The following UBE2W variants were observed in gnomAD, a reference collection of about 807,000 sequenced individuals.
UBE2W encodes the protein ubiquitin-conjugating enzyme E2 W.
In UBE2W, 18 loss-of-function variants were observed where a neutral mutation model predicts 27.2. The observed-to-expected ratio is 0.66, with a 90% CI of 0.46 to 0.98. The LOEUF is 0.98. Among genes scored for constraint, UBE2W ranks in the 50% least tolerant of loss-of-function variants. The pLI is 0.00. For synonymous variants in UBE2W, 53 were observed against 57.2 expected, an observed-to-expected ratio of 0.93 and a Z score of 0.33; for missense variants, 90 against 180.2, an observed-to-expected ratio of 0.50 and a Z score of 2.87.
chr8:73,837,506 C>G (rs563674765), intron 1 of UBE2W, among the ~76,000 whole-genome samples: 1 of 151,316 alleles, frequency 6.6e-6, no homozygotes, highest in African/African-American at 2.4e-5. Context: ...GAGTGAGACT[C>G]TTGTCTTAAA....
At chr8:73,820,193 G>T (rs1809549874) in intron 3 of UBE2W, among the ~76,000 whole-genome samples, 1 of 152,128 alleles carries the variant, frequency 6.6e-6, no homozygotes, top group Non-Finnish European at 1.5e-5. Context: ...CTAGAGGACT[G>T]GTTCTAGCCA....
intron 1 of UBE2W, among the ~76,000 whole-genome samples, chr8:73,832,136 A>ATATATATATATATATATATATAT (rs1563601304): frequency 3.4e-5 from 5 of 145,344 alleles, no homozygotes; most frequent in African/African-American, 1.3e-4. Flanking sequence ...AAAATAAATA[A>ATATATATATATATATATATATAT]ATATATATAT....
At chr8:73,830,066 CACCAA>C (rs1183957388) in intron 2 of UBE2W, among the ~76,000 whole-genome samples, 1 of 151,594 alleles carries the variant, frequency 6.6e-6, no homozygotes, top group Admixed American at 6.6e-5. Context: ...TAAAACCTCA[CACCAA>C]ACAGTTCTTT....
chr8:73,867,702 GCT>G (rs1811838754), intron 1 of UBE2W, among the ~76,000 whole-genome samples: 1 of 140,480 alleles, frequency 7.1e-6, no homozygotes, highest in South Asian at 2.5e-4. Flanking sequence ...ACGGAGTGAG[GCT>G]CTGTCTCAGA....
Position 73,789,027 on chromosome 8 carries a change from A to G in UBE2W, c.*5075T>C, listed in dbSNP as rs1808079908. 1 of 984,100 alleles carries G rather than the reference A, an allele frequency of 1.0e-6. No homozygotes were observed. 61.0% of individuals were successfully genotyped at this position (984,100 alleles called of 1,614,324 possible). A position where few individuals can be genotyped will look rare whatever the true frequency, so the allele number is the denominator to read the frequency against. ...GACTCATCACAAAATACAAGTCACA[A>G]TATTAACATATGAAAATTAAAATTA... On this transcript the variant is annotated 3_prime_UTR_variant, in exon 6 of 6. Transcript: ENST00000602593.
In UBE2W at chr8:73,838,940, C is replaced by G. The variant is rs573371248; in HGVS notation, c.16-8468G>C. 2.6e-5 allele frequency among the ~76,000 whole-genome samples: 4 copies of G among 152,246 alleles called. No homozygotes were observed. The South Asian group carries it at 8.3e-4, about 32-fold the overall frequency. On this transcript the variant is annotated intron_variant, in intron 1 of 5. Coordinates refer to ENST00000602593, the MANE Select transcript of UBE2W (RefSeq NM_018299.6). The stretch of plus-strand genomic sequence containing the variant: ...TTTACATGAAGTGAACACCAAGTGG[C>G]CAATGGGAAACCTCTAGGGGGTATT...
chr8:73,849,174 A>T (rs1810955619), intron 1 of UBE2W, among the ~76,000 whole-genome samples: 1 of 152,192 alleles, frequency 6.6e-6, no homozygotes, highest in Non-Finnish European at 1.5e-5. Flanking sequence ...TCAATAAAAA[A>T]TAACAGTAAA....
intron 3 of UBE2W, among the ~76,000 whole-genome samples, chr8:73,822,987 T>C (rs1809689221): frequency 6.6e-6 from 1 of 152,162 alleles, no homozygotes; most frequent in Non-Finnish European, 1.5e-5. Flanking sequence ...TTAGTTGTGT[T>C]AAATTTGAGA....
intron 1 of UBE2W, among the ~76,000 whole-genome samples, chr8:73,843,145 G>A (rs573963649): frequency 1.3e-5 from 2 of 152,296 alleles, no homozygotes; most frequent in South Asian, 4.1e-4. Flanking sequence ...GAGATGGAAG[G>A]TAAGCTGGTG....
At chr8:73,877,336 G>T (rs1812275860) in intron 1 of UBE2W, among the ~76,000 whole-genome samples, 1 of 152,150 alleles carries the variant, frequency 6.6e-6, no homozygotes, top group Admixed American at 6.5e-5. Flanking sequence ...AATGTTTCCT[G>T]AAATTGTTCC....
At position 73,787,635 on chromosome 8, in the gene UBE2W, C is replaced by T; in HGVS notation, c.*6467G>A. 1.0e-6 allele frequency: 1 copy of T among 985,374 alleles called. No homozygotes were observed. The highest frequency in any genetic ancestry group is 1.2e-6 in the Non-Finnish European group (1 of 829,928). The allele number at this position is 985,374 out of a possible 1,614,324, so 61.0% of individuals were successfully genotyped here. ...ATTACCAGCAGAGCATATTTAATTC[C>T]TCCTGTCAGGAATAACAGATGCTGA... On this transcript the variant is annotated 3_prime_UTR_variant, in exon 6 of 6. Coordinates refer to ENST00000602593, the MANE Select transcript of UBE2W (RefSeq NM_018299.6).
intron 1 of UBE2W, among the ~76,000 whole-genome samples, chr8:73,837,476 G>A (rs1810356960): frequency 6.6e-6 from 1 of 151,922 alleles, no homozygotes; most frequent in Non-Finnish European, 1.5e-5. Context: ...TCGTGCCACT[G>A]CACTCAAGCT....
chr8:73,818,061 G>C (rs1003501188), intron 3 of UBE2W, among the ~76,000 whole-genome samples: 1 of 152,064 alleles, frequency 6.6e-6, no homozygotes, highest in African/African-American at 2.4e-5. Flanking sequence ...TGTCCTTTAA[G>C]GCCCAGTTCT....
At chr8:73,794,658 T>G (rs963581315) in intron 5 of UBE2W, among the ~76,000 whole-genome samples, 23 of 152,170 alleles carry the variant, frequency 1.5e-4, no homozygotes, top group African/African-American at 5.5e-4. Flanking sequence ...TCCCAGCACT[T>G]TGGGAGGCCG....
intron 1 of UBE2W, among the ~76,000 whole-genome samples, chr8:73,878,203 G>A (rs990184600): frequency 1.3e-5 from 2 of 152,194 alleles, no homozygotes; most frequent in African/African-American, 4.8e-5. Flanking sequence ...CGAGAATACC[G>A]AGGCTGATGG....
chr8:73,871,533 A>G (rs1466841845), intron 1 of UBE2W, among the ~76,000 whole-genome samples: 1 of 152,228 alleles, frequency 6.6e-6, no homozygotes, highest in African/African-American at 2.4e-5. Flanking sequence ...GAAGTTTTAC[A>G]AAAGCAGCTA....
rs1316730576 is a variant in UBE2W, at chr8:73,786,900, T to G, written c.*7202A>C. On this transcript the variant is annotated 3_prime_UTR_variant, in exon 6 of 6. Coordinates refer to ENST00000602593, the MANE Select transcript of UBE2W (RefSeq NM_018299.6). ...CAGGATAAAAGAAATATGTTTTCAT[T>G]GAGGTATGGAAACATAAAATTTTAA... The G allele has an allele frequency of 1.0e-6, 1 of 985,200 alleles. No homozygotes were observed. Among genetic ancestry groups the G allele is most frequent in the African/African-American group, 1.7e-5 (1 of 57,244 alleles). 61.0% of individuals were successfully genotyped at this position (985,200 alleles called of 1,614,324 possible).
intron 2 of UBE2W, 110 bp from the exon 3 acceptor site, chr8:73,825,359 G>A: frequency 2.9e-6 from 2 of 690,194 alleles, no homozygotes; most frequent in Middle Eastern, 2.5e-4. Context: ...ACAAGAGTTG[G>A]TTATGTGTAA....
exon 5 of UBE2W, chr8:73,780,133 T>C (rs1807815348): frequency 6.4e-6 from 1 of 156,452 alleles, no homozygotes; most frequent in Non-Finnish European, 1.4e-5. Context: ...GTCTCACAGT[T>C]CTGGAGGCTG....
Sources: allele counts gnomAD v4.1 joint callset (sites outside exome capture counted in the v4.1 genomes callset), GRCh38; gene constraint gnomAD v4.1.1; transcripts MANE v1.5; gene names NCBI Gene and HGNC (gene_info 2026-07-23, HGNC 2026-07-21).